PRDM1: variants seen among roughly 807,000 people sequenced by gnomAD.
PRDM1 encodes the protein PR/SET domain 1.
Under a neutral mutation model 62.8 loss-of-function variants are expected in PRDM1, and 13 were observed. The observed-to-expected ratio is 0.21, with a 90% CI of 0.13 to 0.33. The LOEUF is 0.33. PRDM1 is among the 10% of genes least tolerant of loss of function. The probability of loss-of-function intolerance (pLI) is 1.00; values close to 1 mark genes in which losing one functional copy is unlikely to be tolerated. For missense variants in PRDM1, 895 were observed against 1,058.8 expected (o/e 0.85, Z 2.15); for synonymous variants, 396 against 417.6 (o/e 0.95, Z 0.63).
chr6:106,033,130 T>C (rs1772870460), intron 1 of PRDM1, among the ~76,000 whole-genome samples: 1 of 151,848 alleles, frequency 6.6e-6, no homozygotes, highest in South Asian at 2.1e-4. Flanking sequence ...ATTTACCATC[T>C]AACCTTTTTT....
At chr6:106,090,969 A>T (rs1395655413) in intron 2 of PRDM1, among the ~76,000 whole-genome samples, 1 of 151,700 alleles carries the variant, frequency 6.6e-6, no homozygotes, top group South Asian at 2.1e-4. Context: ...ATCATTCTGC[A>T]CCTTTAATGA....
chr6:106,049,427 C>G (rs1773135361), intron 1 of PRDM1, among the ~76,000 whole-genome samples: 1 of 152,198 alleles, frequency 6.6e-6, no homozygotes, highest in African/African-American at 2.4e-5. Flanking sequence ...AGTCACTTCT[C>G]CAGCCATACT....
intron 4 of PRDM1, 54 bp downstream of exon 4, chr6:106,099,606 C>G (rs1274079172): frequency 2.6e-5 from 41 of 1,592,224 alleles, no homozygotes; most frequent in Non-Finnish European, 3.3e-5. Flanking sequence ...TCGGTTCTGC[C>G]CCTTTGAACT....
intron 1 of PRDM1, among the ~76,000 whole-genome samples, chr6:106,075,153 A>T (rs1272293181): frequency 6.6e-6 from 1 of 152,214 alleles, no homozygotes; most frequent in Non-Finnish European, 1.5e-5. Context: ...GATTTGTGTT[A>T]TCAATATTTC....
At chr6:106,086,186 C>G, upstream of PRDM1, 1 of 310,216 alleles carries the variant, frequency 3.2e-6, no homozygotes, top group East Asian at 4.9e-5. Context: ...AATACACATG[C>G]GAAGAGAGGA....
At chr6:106,022,716 G>A (rs983429245) in intron 1 of PRDM1, among the ~76,000 whole-genome samples, 7 of 151,910 alleles carry the variant, frequency 4.6e-5, no homozygotes, top group East Asian at 3.9e-4. Context: ...TGAGCCACCC[G>A]CCCAGCCTTT....
At chr6:106,094,246 C>T (rs1481027432) in intron 2 of PRDM1, among the ~76,000 whole-genome samples, 4 of 152,200 alleles carry the variant, frequency 2.6e-5, no homozygotes, top group Non-Finnish European at 4.4e-5. Context: ...TATTACCACT[C>T]CCTCCTCCTT....
chr6:106,040,081 T>C (rs937391226), intron 1 of PRDM1, among the ~76,000 whole-genome samples: 1 of 152,264 alleles, frequency 6.6e-6, no homozygotes, highest in African/African-American at 2.4e-5. Context: ...GTTTGGGCAC[T>C]GCCCAGCGAG....
At chr6:106,095,834 T>C (rs1774101168) in intron 3 of PRDM1, 100 bp downstream of exon 3, 6 of 1,333,474 alleles carry the variant, frequency 4.5e-6, no homozygotes. Flanking sequence ...TGAGAAATGC[T>C]GGGGCTCACC....
At position 105,994,333 on chromosome 6, in the gene PRDM1, G is replaced by A. The variant is rs548563464; in HGVS notation, c.-67+694G>A. Among the ~76,000 whole-genome samples the A allele has an allele frequency of 6.6e-6, 1 of 151,554 alleles. No homozygotes were observed. The highest frequency in any genetic ancestry group is 2.1e-4 in the South Asian group (1 of 4,788). Reference sequence around the variant, plus strand: ...CAAGCTCAGCGCGTACACAGCTAGCGGCTCTGGATTGGACTGCATTCGCCT... The same window carrying A: ...CAAGCTCAGCGCGTACACAGCTAGCAGCTCTGGATTGGACTGCATTCGCCT... On this transcript the variant is annotated intron_variant, in intron 1 of 6. Coordinates refer to the PRDM1 transcript ENST00000652320. This position sits in a 1 kb window ranked among gnomAD's most constrained non-coding sequence, Gnocchi z 4.1.
At chr6:106,037,128 AC>A (rs886767364) in intron 1 of PRDM1, among the ~76,000 whole-genome samples, 4 of 152,074 alleles carry the variant, frequency 2.6e-5, no homozygotes, top group African/African-American at 9.7e-5. Context: ...ATTTCCCCTC[AC>A]TTTTGAAGGA....
intron 1 of PRDM1, among the ~76,000 whole-genome samples, chr6:106,080,250 A>G (rs1401032094): frequency 6.6e-6 from 1 of 152,228 alleles, no homozygotes; most frequent in East Asian, 1.9e-4. Flanking sequence ...GTGATCTAGC[A>G]GTTGGATCCT....
chr6:106,098,059 T>A (rs1774158533), intron 3 of PRDM1: 1 of 273,928 alleles, frequency 3.7e-6, no homozygotes, highest in East Asian at 1.8e-4. Flanking sequence ...TTATTTCTGA[T>A]AACGTTTGAG....
At chr6:106,048,955 A>G (rs1314034483) in intron 1 of PRDM1, among the ~76,000 whole-genome samples, 1 of 151,902 alleles carries the variant, frequency 6.6e-6, no homozygotes, top group Non-Finnish European at 1.5e-5. Flanking sequence ...AGCTGGGATT[A>G]CAGGCATGTG....
intron 1 of PRDM1, among the ~76,000 whole-genome samples, chr6:106,005,858 A>C (rs1772474909): frequency 6.6e-6 from 1 of 152,208 alleles, no homozygotes; most frequent in African/African-American, 2.4e-5. Flanking sequence ...TTAGTGTTAG[A>C]AATGAGAAAA....
intron 3 of PRDM1, 35 bp downstream of exon 3, chr6:106,095,769 G>A (rs1002789362): frequency 2.4e-5 from 38 of 1,608,554 alleles, no homozygotes; most frequent in Non-Finnish European, 3.2e-5. Flanking sequence ...CCCATTAAAT[G>A]TTAGGAAAAA....
At position 106,088,217 on chromosome 6, in the gene PRDM1, A is replaced by G; in HGVS notation, c.59A>G (p.Asn20Ser). 1 of 1,612,006 alleles carries G rather than the reference A, an allele frequency of 6.2e-7. No individual in the cohort carries two copies. The change falls in exon 2 of 7, where the codon AAC becomes AGC. Residue 20 changes from asparagine (N) to serine (S), a missense_variant. Asn to Ser is a conservative substitution (Grantham distance 46). Around this residue, in one of 4 missense-constraint regions of PRDM1, gnomAD observed 213 missense variants for 283.9 expected, o/e 0.75. Coordinates refer to ENST00000369096, the MANE Select transcript of PRDM1 (RefSeq NM_001198.4). ...CTCTTCCAGGCTGCCCCCAAGTGTA[A>G]CTCCAGCACTGTGAGGTTTCAGGGA... ...VGTTLAAPKC[N>S]SSTVRFQGLA...
intron 1 of PRDM1, among the ~76,000 whole-genome samples, chr6:106,075,503 G>A (rs376633289): frequency 3.5e-4 from 53 of 152,140 alleles, no homozygotes; most frequent in African/African-American, 1.2e-3. Context: ...GCTTTACATA[G>A]CCTTGTATTA....
chr6:106,043,228 C>G (rs1282121992), intron 1 of PRDM1, among the ~76,000 whole-genome samples: 1 of 152,192 alleles, frequency 6.6e-6, no homozygotes, highest in Non-Finnish European at 1.5e-5. Context: ...TTTCCCTTCA[C>G]TGTTATTTTC....
Sources: gnomAD v4.1 joint callset for allele counts (sites outside exome capture counted in the v4.1 genomes callset) on GRCh38, gnomAD v4.1.1 for gene constraint, gnomAD v4.1.1 regional missense constraint, Gnocchi (gnomAD v3.1) non-coding constraint, MANE v1.5 for transcripts, NCBI Gene and HGNC (gene_info 2026-07-23, HGNC 2026-07-21) for gene names.